SLC45A1: variants seen among roughly 807,000 people sequenced by gnomAD.
The protein encoded by SLC45A1 is solute carrier family 45 member 1, also known as proton-associated sugar transporter A.
In SLC45A1, 28 loss-of-function variants were observed where a neutral mutation model predicts 57.6. The observed-to-expected ratio is 0.49, with a 90% CI of 0.36 to 0.67. SLC45A1 has a LOEUF of 0.67. Among genes scored for constraint, SLC45A1 ranks in the 30% least tolerant of loss-of-function variants. SLC45A1 has a pLI of 0.00. For missense variants in SLC45A1, 814 were observed against 1,041.5 expected, an observed-to-expected ratio of 0.78 and a Z score of 3.01; for synonymous variants, 459 against 471.5, an observed-to-expected ratio of 0.97 and a Z score of 0.34.
At chr1:8,338,822 G>A (rs1421524821) in intron 7 of SLC45A1, among the ~76,000 whole-genome samples, 2 of 151,846 alleles carry the variant, frequency 1.3e-5, no homozygotes, top group East Asian at 3.9e-4. Context: ...GCTGGACTTC[G>A]CCTTCGATCC....
In SLC45A1 at chr1:8,330,701, G is replaced by C; in HGVS notation, c.1208G>C (p.Ser403Thr). 1.2e-6 allele frequency: 2 copies of C among 1,613,228 alleles called. No individual in the cohort carries two copies. Among genetic ancestry groups the C allele is most frequent in the Non-Finnish European group, 1.7e-6 (2 of 1,180,006 alleles). Reference sequence around the variant, plus strand: ...GTCCCCAGGCCGCCCATCAGCGTCAGCTTCCCCCGGGCCCCCGACGGCTTC... The same window carrying C: ...GTCCCCAGGCCGCCCATCAGCGTCACCTTCCCCCGGGCCCCCGACGGCTTC... ...GSVPRPPISV[S>T]FPRAPDGFYR... The change falls in exon 5 of 9, where the codon AGC (serine) becomes ACC (threonine). Residue 403 changes from serine to threonine, a missense_variant. Coordinates refer to ENST00000471889, the MANE Select transcript of SLC45A1 (RefSeq NM_001080397.3). The surrounding 1 kb of genome is among the most constrained non-coding windows in gnomAD (Gnocchi z 8.4).
chr1:8,330,311 C>A lies in SLC45A1; in HGVS notation c.818C>A (p.Thr273Asn), dbSNP rs755422661. ...CAGCTCCGAGTCATTTACCTCTTCA[C>A]TGCGGTCACCCTGAGCGTCACCACC... ...GGQLRVIYLF[T>N]AVTLSVTTVL... Residue 273 changes from threonine (T) to asparagine (N), a missense_variant, in exon 5 of 9, where the codon ACT becomes AAT. Physicochemically the swap from Thr to Asn is moderately conservative, Grantham distance 65 (BLOSUM62 0). Coordinates refer to ENST00000471889, the MANE Select transcript of SLC45A1 (RefSeq NM_001080397.3). This position sits in a 1 kb window ranked among gnomAD's most constrained non-coding sequence, Gnocchi z 8.4. The A allele has an allele frequency of 6.2e-7, 1 of 1,613,792 alleles. No individual in the cohort carries two copies. The highest frequency in any genetic ancestry group is 8.5e-7 in the Non-Finnish European group (1 of 1,180,002).
In SLC45A1 at chr1:8,339,633, A is replaced by C. The variant is rs766112683; in HGVS notation, c.1915A>C (p.Ile639Leu). The C allele has an allele frequency of 6.2e-7, 1 of 1,614,112 alleles. No homozygotes were observed. Reference sequence around the variant, plus strand: ...CCTGTCGCTCTGCATAACCTACGGGATTTTATTTTCCACCCTGTGCACCTT... The same window carrying C: ...CCTGTCGCTCTGCATAACCTACGGGCTTTTATTTTCCACCCTGTGCACCTT... ...VVLSLCITYG[I>L]LFSTLCTLPY... Residue 639 changes from isoleucine to leucine, a missense_variant, in exon 8 of 9, where the codon ATT becomes CTT. Transcript: ENST00000471889.
intron 1 of SLC45A1, among the ~76,000 whole-genome samples, chr1:8,319,996 G>A (rs1054006597): frequency 6.6e-6 from 1 of 152,116 alleles, no homozygotes; most frequent in South Asian, 2.1e-4. Context: ...GGCATTACAG[G>A]CGTCAGCCAC....
Position 8,324,500 on chromosome 1 carries a change from T to TCCCGGCC in SLC45A1, c.174_175insGGCCCCC (p.Ser59GlyfsTer15). The TCCCGGCC allele has an allele frequency of 6.2e-7, 1 of 1,610,694 alleles. No homozygotes were observed. Among genetic ancestry groups the TCCCGGCC allele is most frequent in the Non-Finnish European group, 8.5e-7 (1 of 1,178,916 alleles). On this transcript the variant is annotated frameshift_variant, in exon 2 of 9. Transcript: ENST00000471889. LOFTEE classifies it high-confidence loss of function. ...ACCCCAAGAGGAGGAAGTGCATTCG[T>TCCCGGCC]CCCTCCCCACCCCCGCCCCCCAACA...
chr1:8,322,067 G>C (rs192178990), intron 1 of SLC45A1, among the ~76,000 whole-genome samples: 1 of 107,554 alleles, frequency 9.3e-6, no homozygotes, highest in Non-Finnish European at 1.9e-5. Context: ...GGATGGGTGG[G>C]TGGGTGGATT....
intron 1 of SLC45A1, among the ~76,000 whole-genome samples, chr1:8,319,521 C>T (rs1639934705): frequency 6.6e-6 from 1 of 152,210 alleles, no homozygotes. Context: ...ACTCTGGAAG[C>T]ACAGTGGACC....
intron 8 of SLC45A1, among the ~76,000 whole-genome samples, chr1:8,342,167 A>C (rs1350189135): frequency 1.3e-5 from 2 of 152,234 alleles, no homozygotes; most frequent in Non-Finnish European, 2.9e-5. Context: ...AGATCGTGCC[A>C]CTGCACTCCA....
Position 8,335,533 on chromosome 1 carries a change from T to C in SLC45A1, c.1540T>C (p.Ser514Pro). ...EQPLSVGRLC[S>P]TICNMPKALR... ...GCCTCTGTCCGTGGGGCGCCTCTGCTCCACCATCTGCAACATGCCCAAGGC... is the reference window on the plus strand; with the variant it reads ...GCCTCTGTCCGTGGGGCGCCTCTGCCCCACCATCTGCAACATGCCCAAGGC... Residue 514 changes from serine (S) to proline (P), a missense_variant, in exon 6 of 9, where the codon TCC (serine) becomes CCC (proline). Ser to Pro is a moderately conservative substitution (Grantham distance 74, BLOSUM62 -1). Coordinates refer to ENST00000471889, the MANE Select transcript of SLC45A1 (RefSeq NM_001080397.3). This position sits in a 1 kb window ranked among gnomAD's most constrained non-coding sequence, Gnocchi z 4.1. 5 of 1,606,140 alleles carry C rather than the reference T, an allele frequency of 3.1e-6. No homozygotes were observed. The highest frequency in any genetic ancestry group is 4.2e-6 in the Non-Finnish European group (5 of 1,179,666).
At chr1:8,336,301 T>C (rs1640609604) in intron 6 of SLC45A1, among the ~76,000 whole-genome samples, 1 of 151,852 alleles carries the variant, frequency 6.6e-6, no homozygotes, top group African/African-American at 2.4e-5. Flanking sequence ...TCCCAGCTAC[T>C]TGGGAGGCTG....
Position 8,330,967 on chromosome 1 carries a change from C to A in SLC45A1, c.1443+31C>A. The A allele has an allele frequency of 6.5e-7, 1 of 1,545,136 alleles. No homozygotes were observed. Among genetic ancestry groups the A allele is most frequent in the South Asian group, 1.2e-5 (1 of 82,782 alleles). ...AGCAAATGTCGGGGGAGCTGAGGCT[C>A]AGAGGGTGGCATTCGGGGGTCCCCT... On this transcript the variant is annotated intron_variant, in intron 5 of 8. Transcript: ENST00000471889. This position sits in a 1 kb window ranked among gnomAD's most constrained non-coding sequence, Gnocchi z 8.4.
rs1347401883 is a variant in SLC45A1, at chr1:8,343,585, G to A, written c.1981-162G>A. 6.6e-6 allele frequency among the ~76,000 whole-genome samples: 1 copy of A among 152,166 alleles called. No individual in the cohort carries two copies. Reference sequence around the variant, plus strand: ...CGTCATCTCTCCGAACACAAATATTGTTAAACTCTTGGCTGAACTCCCTGT... The same window carrying A: ...CGTCATCTCTCCGAACACAAATATTATTAAACTCTTGGCTGAACTCCCTGT... On this transcript the variant is annotated intron_variant, in intron 8 of 8. Transcript: ENST00000471889. This position sits in a 1 kb window ranked among gnomAD's most constrained non-coding sequence, Gnocchi z 7.7.
Position 8,343,306 on chromosome 1 carries a change from C to A in SLC45A1, c.1981-441C>A, listed in dbSNP as rs1185411262. ...GTGCCCAAGCTGGAGGCCACGAGGA[C>A]CTTGGAGCCTCGGACAGAGGACCAG... On this transcript the variant is annotated intron_variant, in intron 8 of 8. Coordinates refer to ENST00000471889, the MANE Select transcript of SLC45A1 (RefSeq NM_001080397.3). The surrounding 1 kb of genome is among the most constrained non-coding windows in gnomAD (Gnocchi z 7.7). Among the ~76,000 whole-genome samples, 8 of 152,292 alleles carry A rather than the reference C, an allele frequency of 5.3e-5. No individual in the cohort carries two copies. Among genetic ancestry groups the A allele is most frequent in the Admixed American group, 3.9e-4 (6 of 15,300 alleles).
chr1:8,325,950 A>G lies in SLC45A1; in HGVS notation c.623A>G (p.Asp208Gly). 6.2e-7 allele frequency: 1 copy of G among 1,613,392 alleles called. No homozygotes were observed. Among genetic ancestry groups the G allele is most frequent in the Non-Finnish European group, 8.5e-7 (1 of 1,179,996 alleles). Residue 208 changes from aspartate (D) to glycine (G), a missense_variant, in exon 4 of 9, where the codon GAC becomes GGC. Asp to Gly is a moderately conservative substitution (Grantham distance 94). Coordinates refer to ENST00000471889, the MANE Select transcript of SLC45A1 (RefSeq NM_001080397.3). This position sits in a 1 kb window ranked among gnomAD's most constrained non-coding sequence, Gnocchi z 6.3. ...CGVVLMDFSA[D>G]SADNPSHAYM... The stretch of plus-strand genomic sequence containing the variant: ...GTGGTGCTGATGGACTTTAGCGCCG[A>G]CTCGGCGGACAACCCCAGCCACGCC...
chr1:8,320,610 A>G (rs1639973482), intron 1 of SLC45A1, among the ~76,000 whole-genome samples: 1 of 151,886 alleles, frequency 6.6e-6, no homozygotes, highest in African/African-American at 2.4e-5. Flanking sequence ...ACTGCACTCC[A>G]GCCTGGGCTA....
At chr1:8,329,875 G>A (rs1033264690) in intron 4 of SLC45A1, among the ~76,000 whole-genome samples, 4 of 152,170 alleles carry the variant, frequency 2.6e-5, no homozygotes, top group African/African-American at 7.2e-5. Context: ...GGATGTGCCC[G>A]GTGTCAACAT....
intron 5 of SLC45A1, among the ~76,000 whole-genome samples, chr1:8,333,193 G>A (rs1640472295): frequency 6.6e-6 from 1 of 151,798 alleles, no homozygotes; most frequent in Admixed American, 6.6e-5. Flanking sequence ...TTTAGTCGGA[G>A]GTTAACTAGA....
At chr1:8,329,240 C>T (rs1640295952) in intron 4 of SLC45A1, among the ~76,000 whole-genome samples, 1 of 152,186 alleles carries the variant, frequency 6.6e-6, no homozygotes, top group Admixed American at 6.5e-5. Context: ...GAAAGGTAAA[C>T]CCCTAATGTG....
At chr1:8,320,852 A>G (rs1639990991) in intron 1 of SLC45A1, among the ~76,000 whole-genome samples, 1 of 152,202 alleles carries the variant, frequency 6.6e-6, no homozygotes, top group Admixed American at 6.5e-5. Context: ...AATGCTGATT[A>G]GAAAGAGTGG....
Sources: allele counts gnomAD v4.1 joint callset (sites outside exome capture counted in the v4.1 genomes callset), GRCh38; gene constraint gnomAD v4.1.1; non-coding constraint Gnocchi (gnomAD v3.1); transcripts MANE v1.5; gene names NCBI Gene and HGNC (gene_info 2026-07-23, HGNC 2026-07-21).